Variants in PPARGC1B observed in about 807,000 individuals in gnomAD.
PPARGC1B encodes the protein peroxisome proliferator-activated receptor gamma coactivator 1-beta.
A neutral mutation model predicts 101.6 loss-of-function variants in PPARGC1B; 34 were observed. The observed-to-expected ratio is 0.33, with a 90% CI of 0.25 to 0.45. PPARGC1B has a LOEUF of 0.45. PPARGC1B is among the 20% of genes least tolerant of loss of function. The pLI is 1.00. For missense variants in PPARGC1B, 1,234 were observed against 1,317.6 expected (o/e 0.94, Z 0.98); for synonymous variants, 548 against 539.3 (o/e 1.02, Z -0.22).
Position 149,768,597 on chromosome 5 carries a change from C to G in PPARGC1B, c.78+38177C>G, listed in dbSNP as rs147459543. ...TAGCTGAGACTATAAGTGCCCACCA[C>G]CACGTCTGGCTAATTTTTGTATTTT... is the stretch of plus-strand genomic sequence containing the variant. On this transcript the variant is annotated intron_variant, in intron 1 of 11. Transcript: ENST00000309241. Among the ~76,000 whole-genome samples, 299 of 148,804 alleles carry G rather than the reference C, an allele frequency of 2.0e-3. 3 individuals carry two copies. In the East Asian group the frequency reaches 0.023, roughly 12 times the overall value.
At chr5:149,739,719 C>A (rs1225768910) in intron 1 of PPARGC1B, among the ~76,000 whole-genome samples, 7 of 152,188 alleles carry the variant, frequency 4.6e-5, no homozygotes, top group Non-Finnish European at 1.0e-4. Flanking sequence ...GACCCTGGGG[C>A]AAGGTCTACC....
chr5:149,788,556 C>T (rs1320968040), intron 1 of PPARGC1B, among the ~76,000 whole-genome samples: 1 of 152,162 alleles, frequency 6.6e-6, no homozygotes, highest in Admixed American at 6.6e-5. Context: ...TAACATTTGA[C>T]CCAGCCATCC....
chr5:149,772,876 T>C (rs1756191925), intron 1 of PPARGC1B, among the ~76,000 whole-genome samples: 1 of 152,010 alleles, frequency 6.6e-6, no homozygotes, highest in Non-Finnish European at 1.5e-5. Flanking sequence ...GGTGTGACAG[T>C]GTTTGTGACC....
At chr5:149,827,147 C>T (rs113658143) in intron 3 of PPARGC1B, among the ~76,000 whole-genome samples, 220 of 152,352 alleles carry the variant, frequency 1.4e-3, no homozygotes, top group Non-Finnish European at 2.1e-3. Context: ...GACCAAGTTA[C>T]GTGTTAAATC....
intron 1 of PPARGC1B, chr5:149,771,827 C>CT (rs1274960179): frequency 4.3e-5 from 16 of 369,852 alleles, no homozygotes; most frequent in Admixed American, 2.7e-4. Flanking sequence ...GTGGGAGGCT[C>CT]TGAGTTGTAG....
chr5:149,830,985 T>G, intron 4 of PPARGC1B, 102 bp downstream of exon 4: 2 of 787,228 alleles, frequency 2.5e-6, no homozygotes, highest in Non-Finnish European at 2.2e-6. Context: ...CCAATATCTC[T>G]TCCCACTCCT....
intron 10 of PPARGC1B, among the ~76,000 whole-genome samples, chr5:149,844,595 C>T (rs754103853): frequency 3.9e-5 from 6 of 152,128 alleles, no homozygotes; most frequent in African/African-American, 9.7e-5. Context: ...GCTGGGATTG[C>T]GACCACTGCA....
At chr5:149,735,895 G>A (rs1754688373) in intron 1 of PPARGC1B, among the ~76,000 whole-genome samples, 1 of 152,266 alleles carries the variant, frequency 6.6e-6, no homozygotes, top group South Asian at 2.1e-4. Context: ...GGAGGCCAAG[G>A]CGGGCAGATC....
intron 1 of PPARGC1B, among the ~76,000 whole-genome samples, chr5:149,771,158 C>T (rs1331699933): frequency 6.6e-6 from 1 of 152,196 alleles, no homozygotes; most frequent in Non-Finnish European, 1.5e-5. Flanking sequence ...TGTGCGCATG[C>T]AGGCGGATGC....
Position 149,839,413 on chromosome 5 carries a change from C to T in PPARGC1B, c.2619-628C>T, listed in dbSNP as rs1047542708. Among the ~76,000 whole-genome samples the T allele has an allele frequency of 1.1e-4, 17 of 152,284 alleles. 1 individual carries two copies. Among genetic ancestry groups the T allele is most frequent in the Admixed American group, 8.5e-4 (13 of 15,290 alleles). ...ACTCAGACTGGATGAGTGAGGGCAG[C>T]GTGCAAGCAGGCAAGGAAGGCTGCA... On this transcript the variant is annotated intron_variant, in intron 8 of 11. Coordinates refer to ENST00000309241, the MANE Select transcript of PPARGC1B (RefSeq NM_133263.4).
At chr5:149,793,571 A>G (rs10875551) in intron 1 of PPARGC1B, among the ~76,000 whole-genome samples, 107,090 of 151,974 alleles carry the variant, frequency 0.7, 38,148 homozygotes, top group Middle Eastern at 0.82. Flanking sequence ...GGCAGCCAAA[A>G]CCATCATCAT....
intron 1 of PPARGC1B, among the ~76,000 whole-genome samples, chr5:149,743,452 G>T (rs761653649): frequency 1.3e-5 from 2 of 152,038 alleles, no homozygotes; most frequent in African/African-American, 4.8e-5. Flanking sequence ...ACCGTGCCCG[G>T]CCCTATTTAT....
Position 149,836,812 on chromosome 5 carries a change from C to T in PPARGC1B, c.2357C>T (p.Pro786Leu), listed in dbSNP as rs922532397. ...EEEDLASCKS[P>L]EYDTVFEDSS... ...GAAGACCTGGCCTCCTGCAAGAGCC[C>T]TGAGTATGACACTGTCTTTGAAGAC... Residue 786 changes from proline (P) to leucine (L), a missense_variant, in exon 8 of 12, where the codon CCT (proline) becomes CTT (leucine). By Grantham distance (98) the Pro-to-Leu change is moderately conservative (BLOSUM62 -3). Around this residue, in one of 3 missense-constraint regions of PPARGC1B, gnomAD observed 497 missense variants for 529.5 expected, o/e 0.94. Coordinates refer to ENST00000309241, the MANE Select transcript of PPARGC1B (RefSeq NM_133263.4). 2 of 1,613,392 alleles carry T rather than the reference C, an allele frequency of 1.2e-6. No individual in the cohort carries two copies. The highest frequency in any genetic ancestry group is 2.7e-5 in the African/African-American group (2 of 74,918).
intron 1 of PPARGC1B, among the ~76,000 whole-genome samples, chr5:149,772,892 A>G (rs1406711962): frequency 6.6e-6 from 1 of 151,954 alleles, no homozygotes; most frequent in African/African-American, 2.4e-5. Flanking sequence ...TGACCTTGTG[A>G]AGATATTTGT....
intron 1 of PPARGC1B, among the ~76,000 whole-genome samples, chr5:149,743,491 T>G (rs1754982995): frequency 6.6e-6 from 1 of 152,144 alleles, no homozygotes; most frequent in Non-Finnish European, 1.5e-5. Context: ...CTCTACCCAG[T>G]TGGGACTGGA....
chr5:149,830,030 C>CAAA (rs60711433), intron 3 of PPARGC1B, among the ~76,000 whole-genome samples: 216 of 33,990 alleles, frequency 6.4e-3, no homozygotes, highest in Admixed American at 0.019. Context: ...GACTGCATCT[C>CAAA]AAAAAAAAAA....
Position 149,730,547 on chromosome 5 carries a change from G to A in PPARGC1B, c.78+127G>A. 1 of 677,240 alleles carries A rather than the reference G, an allele frequency of 1.5e-6. No homozygotes were observed. Among genetic ancestry groups the A allele is most frequent in the Non-Finnish European group, 2.3e-6 (1 of 431,098 alleles). 42.0% of individuals were successfully genotyped at this position (677,240 alleles called of 1,614,324 possible). A position where few individuals can be genotyped will look rare whatever the true frequency, so the allele number is the denominator to read the frequency against. ...GTAACTGGGGGTTCCAGGCTGCAGA[G>A]CCCCCCTTCCAGGCGCCCTGCGATG... On this transcript the variant is annotated intron_variant, in intron 1 of 11. Coordinates refer to ENST00000309241, the MANE Select transcript of PPARGC1B (RefSeq NM_133263.4). The surrounding 1 kb of genome is among the most constrained non-coding windows in gnomAD (Gnocchi z 4.0).
At chr5:149,786,883 T>C in intron 1 of PPARGC1B, among the ~76,000 whole-genome samples, 1 of 152,240 alleles carries the variant, frequency 6.6e-6, no homozygotes, top group Admixed American at 6.5e-5. Flanking sequence ...TGGTGCCTGC[T>C]GCATTTCTTT....
intron 1 of PPARGC1B, among the ~76,000 whole-genome samples, chr5:149,754,919 C>T (rs1755450627): frequency 1.3e-5 from 2 of 149,892 alleles, no homozygotes; most frequent in South Asian, 4.2e-4. Context: ...GTAACTGGGA[C>T]TACAGGCACG....
Sources: allele counts gnomAD v4.1 joint callset (sites outside exome capture counted in the v4.1 genomes callset), GRCh38; gene constraint gnomAD v4.1.1; regional missense constraint gnomAD v4.1.1; non-coding constraint Gnocchi (gnomAD v3.1); transcripts MANE v1.5; gene names NCBI Gene and HGNC (gene_info 2026-07-23, HGNC 2026-07-21).